CACNA2D3: variants seen among roughly 807,000 people sequenced by gnomAD.
CACNA2D3 encodes the protein voltage-dependent calcium channel subunit alpha-2/delta-3.
A neutral mutation model predicts 160.6 loss-of-function variants in CACNA2D3; 60 were observed. The observed-to-expected ratio is 0.37, with a 90% confidence interval of 0.30 to 0.46. The LOEUF is 0.46. CACNA2D3 is among the 20% of genes least tolerant of loss of function. The probability of loss-of-function intolerance (pLI) is 1.00; values close to 1 mark genes in which losing one functional copy is unlikely to be tolerated. For synonymous variants in CACNA2D3, 558 were observed against 492.9 expected, an observed-to-expected ratio of 1.13 and a Z score of -1.75; for missense variants, 1,205 against 1,365.0, an observed-to-expected ratio of 0.88 and a Z score of 1.85.
intron 9 of CACNA2D3, among the ~76,000 whole-genome samples, chr3:54,618,374 T>TATATACAC: frequency 3.7e-5 from 2 of 54,582 alleles, no homozygotes; most frequent in South Asian, 6.9e-4. Flanking sequence ...TATATATATA[T>TATATACAC]GCACACACAC....
At chr3:54,137,174 C>T (rs1699829362) in intron 2 of CACNA2D3, among the ~76,000 whole-genome samples, 1 of 152,202 alleles carries the variant, frequency 6.6e-6, no homozygotes, top group Non-Finnish European at 1.5e-5. Flanking sequence ...TAGCCTTTCT[C>T]AATGTGGGCG....
At chr3:54,628,273 A>G (rs1443170805) in intron 10 of CACNA2D3, among the ~76,000 whole-genome samples, 1 of 152,244 alleles carries the variant, frequency 6.6e-6, no homozygotes, top group African/African-American at 2.4e-5. Context: ...TCTGGCTGAC[A>G]CTGAGCAGAT....
chr3:54,325,947 C>G (rs1438938931), intron 3 of CACNA2D3, among the ~76,000 whole-genome samples: 1 of 152,116 alleles, frequency 6.6e-6, no homozygotes, highest in Non-Finnish European at 1.5e-5. Flanking sequence ...AAAATAAATA[C>G]CTTTGCTTGT....
intron 2 of CACNA2D3, among the ~76,000 whole-genome samples, chr3:54,226,468 A>C (rs1187726730): frequency 6.6e-6 from 1 of 151,854 alleles, no homozygotes; most frequent in Non-Finnish European, 1.5e-5. Context: ...ACGTCCAGCT[A>C]ATTTTTTATT....
At chr3:54,889,131 CAT>C (rs200657409) in intron 24 of CACNA2D3, among the ~76,000 whole-genome samples, 1,527 of 152,218 alleles carry the variant, frequency 0.01, 20 homozygotes, top group Non-Finnish European at 0.016. Flanking sequence ...ACACAGCTGA[CAT>C]ATAGAGGATA....
chr3:54,576,920 C>T (rs961661939), intron 8 of CACNA2D3, among the ~76,000 whole-genome samples: 3 of 151,958 alleles, frequency 2.0e-5, no homozygotes, highest in South Asian at 2.1e-4. Flanking sequence ...GCCTGTGGTC[C>T]GAACTATTTG....
intron 27 of CACNA2D3, among the ~76,000 whole-genome samples, chr3:54,926,443 C>T (rs140255452): frequency 6.6e-6 from 1 of 151,608 alleles, no homozygotes; most frequent in East Asian, 2.0e-4. Flanking sequence ...TACTGTGCTC[C>T]ACTTTTCCTC....
In CACNA2D3 at chr3:54,526,027, T is replaced by C. The variant is rs1575503714; in HGVS notation, c.544+22373T>C. Among the ~76,000 whole-genome samples, 4 of 79,720 alleles carry C rather than the reference T, an allele frequency of 5.0e-5. No individual in the cohort carries two copies. The East Asian group carries it at 1.5e-3, about 30-fold the overall frequency. 52.3% of individuals were successfully genotyped at this position (79,720 alleles called of 152,430 possible). A position where few individuals can be genotyped will look rare whatever the true frequency, so the allele number is the denominator to read the frequency against. On this transcript the variant is annotated intron_variant, in intron 5 of 37. Transcript: ENST00000474759. ...CTGAGCTCTGTTCATTTTTTCTGTTTTTTTTAATTGCATAATCTCTATTAA... is the reference window on the plus strand; with the variant it reads ...CTGAGCTCTGTTCATTTTTTCTGTTCTTTTTAATTGCATAATCTCTATTAA...
intron 5 of CACNA2D3, among the ~76,000 whole-genome samples, chr3:54,509,219 C>T (rs1268259716): frequency 6.6e-6 from 1 of 152,194 alleles, no homozygotes; most frequent in Non-Finnish European, 1.5e-5. Flanking sequence ...AGAAGGCTCA[C>T]AAACCTTATA....
At chr3:54,853,420 A>G (rs1233693140) in intron 17 of CACNA2D3, among the ~76,000 whole-genome samples, 1 of 152,212 alleles carries the variant, frequency 6.6e-6, no homozygotes, top group Non-Finnish European at 1.5e-5. Flanking sequence ...CAGGTGACAC[A>G]CGTTCATTCA....
intron 13 of CACNA2D3, among the ~76,000 whole-genome samples, chr3:54,787,833 C>T (rs974142175): frequency 6.6e-6 from 1 of 152,174 alleles, no homozygotes; most frequent in East Asian, 1.9e-4. Flanking sequence ...GAAGGCAAAC[C>T]TTCACAACAG....
intron 4 of CACNA2D3, among the ~76,000 whole-genome samples, chr3:54,498,652 G>A (rs1000850573): frequency 4.0e-5 from 6 of 151,510 alleles, no homozygotes; most frequent in African/African-American, 1.2e-4. Flanking sequence ...CCTTGTTAAG[G>A]TAGAATCTTA....
chr3:54,278,943 C>A (rs1199344591), intron 2 of CACNA2D3, among the ~76,000 whole-genome samples: 1 of 152,106 alleles, frequency 6.6e-6, no homozygotes, highest in African/African-American at 2.4e-5. Flanking sequence ...TGTAACAAAC[C>A]TGCATGTTCT....
At chr3:55,016,732 T>C (rs534591004) in intron 34 of CACNA2D3, among the ~76,000 whole-genome samples, 1 of 152,320 alleles carries the variant, frequency 6.6e-6, no homozygotes, top group East Asian at 1.9e-4. Flanking sequence ...CTAAAAGAGC[T>C]GATGACGAGT....
chr3:54,294,632 CAT>C (rs1489809735), intron 2 of CACNA2D3, among the ~76,000 whole-genome samples: 10 of 152,210 alleles, frequency 6.6e-5, no homozygotes, highest in South Asian at 2.1e-4. Context: ...AAACAACACA[CAT>C]GTGAGTTTCC....
intron 29 of CACNA2D3, among the ~76,000 whole-genome samples, chr3:54,978,380 G>A (rs1256990358): frequency 1.3e-5 from 2 of 152,148 alleles, no homozygotes; most frequent in East Asian, 1.9e-4. Flanking sequence ...AGCTGATAGG[G>A]GCAATGCCAT....
At position 55,051,838 on chromosome 3, in the gene CACNA2D3, G is replaced by C. The variant is rs535747711; in HGVS notation, c.2988-21607G>C. ...CGTTTTTTAAGCCCGTCGGAAAAGC[G>C]CAGTATTCGGGTGGGAGTGACCCGA... On this transcript the variant is annotated intron_variant, in intron 35 of 37. Transcript: ENST00000474759. Among the ~76,000 whole-genome samples the C allele has an allele frequency of 6.8e-4, 103 of 152,298 alleles. 1 individual carries two copies. The highest frequency in any genetic ancestry group is 1.8e-3 in the African/African-American group (76 of 41,562).
At chr3:54,263,823 G>A (rs1037917529) in intron 2 of CACNA2D3, among the ~76,000 whole-genome samples, 1 of 152,142 alleles carries the variant, frequency 6.6e-6, no homozygotes, top group Admixed American at 6.5e-5. Context: ...TCTACATAAG[G>A]TACGCATGAT....
At chr3:54,236,872 G>T (rs1400439324) in intron 2 of CACNA2D3, among the ~76,000 whole-genome samples, 1 of 152,058 alleles carries the variant, frequency 6.6e-6, no homozygotes, top group Admixed American at 6.6e-5. Context: ...TTGATAACAT[G>T]AATATCGTAG....
Sources: allele counts gnomAD v4.1 joint callset (sites outside exome capture counted in the v4.1 genomes callset), GRCh38; gene constraint gnomAD v4.1.1; transcripts MANE v1.5; gene names NCBI Gene and HGNC (gene_info 2026-07-23, HGNC 2026-07-21).